MREG: variants seen among roughly 807,000 people sequenced by gnomAD.
MREG encodes melanoregulin, also known as dilute suppressor protein homolog.
Under a neutral mutation model 28.5 loss-of-function variants are expected in MREG, and 31 were observed. The ratio of observed to expected loss-of-function variants is 1.09; its 90% CI spans 0.82 to 1.47. The LOEUF is 1.47. Among genes scored for constraint, MREG ranks in the 40% most tolerant of loss-of-function variants. The probability of loss-of-function intolerance (pLI) is 0.00; values close to 1 mark genes in which losing one functional copy is unlikely to be tolerated. For missense variants in MREG, 256 were observed against 257.4 expected, an observed-to-expected ratio of 0.99 and a Z score of 0.04; for synonymous variants, 106 against 95.2, an observed-to-expected ratio of 1.11 and a Z score of -0.66.
At chr2:216,001,678 G>A (rs1694016501) in intron 1 of MREG, among the ~76,000 whole-genome samples, 1 of 152,188 alleles carries the variant, frequency 6.6e-6, no homozygotes, top group African/African-American at 2.4e-5. Flanking sequence ...CAGGGGCTGT[G>A]AGCTCATTCA....
At chr2:215,970,383 C>T (rs1693056525) in intron 2 of MREG, among the ~76,000 whole-genome samples, 1 of 152,136 alleles carries the variant, frequency 6.6e-6, no homozygotes, top group Admixed American at 6.5e-5. Flanking sequence ...TTTAAGCCAC[C>T]CAGTTTATGG....
At chr2:215,983,965 A>T (rs990974449) in intron 2 of MREG, among the ~76,000 whole-genome samples, 26 of 152,218 alleles carry the variant, frequency 1.7e-4, no homozygotes, top group African/African-American at 5.8e-4. Flanking sequence ...TATGAGAATG[A>T]TCTGATAGTT....
intron 1 of MREG, among the ~76,000 whole-genome samples, chr2:216,007,529 G>A (rs1163718361): frequency 2.0e-5 from 3 of 151,810 alleles, no homozygotes; most frequent in South Asian, 2.1e-4. Flanking sequence ...TCCCAGATTC[G>A]AGTGATTCTC....
At chr2:216,000,151 C>G (rs1693978990) in intron 1 of MREG, among the ~76,000 whole-genome samples, 1 of 152,260 alleles carries the variant, frequency 6.6e-6, no homozygotes. Flanking sequence ...TCACGTTACA[C>G]AAGCATCTAA....
At chr2:216,026,725 C>T (rs1022938437) in intron 1 of MREG, among the ~76,000 whole-genome samples, 1 of 152,112 alleles carries the variant, frequency 6.6e-6, no homozygotes, top group Non-Finnish European at 1.5e-5. Flanking sequence ...AAAACATACA[C>T]ACACACACAC....
intron 2 of MREG, among the ~76,000 whole-genome samples, chr2:215,984,765 A>G (rs1171121280): frequency 6.6e-6 from 1 of 152,194 alleles, no homozygotes; most frequent in African/African-American, 2.4e-5. Context: ...ATAACTTGGG[A>G]AAAATGTGTG....
chr2:215,998,977 G>A (rs534512909), intron 1 of MREG, among the ~76,000 whole-genome samples: 64 of 152,324 alleles, frequency 4.2e-4, no homozygotes, highest in Admixed American at 4.0e-3. Flanking sequence ...TATGTATGAT[G>A]AGAAGGAAGT....
intron 2 of MREG, among the ~76,000 whole-genome samples, chr2:215,964,538 A>G (rs1218164675): frequency 6.6e-6 from 1 of 152,156 alleles, no homozygotes; most frequent in Non-Finnish European, 1.5e-5. Context: ...AGCAAAAGAC[A>G]TTGAGATAAT....
At chr2:215,968,203 G>A (rs1459509543) in intron 2 of MREG, among the ~76,000 whole-genome samples, 1 of 152,196 alleles carries the variant, frequency 6.6e-6, no homozygotes, top group Non-Finnish European at 1.5e-5. Flanking sequence ...TCAGAAGACA[G>A]TAGTAGAGTT....
chr2:216,024,547 ATTG>A (rs1030275394), intron 1 of MREG, among the ~76,000 whole-genome samples: 21 of 152,168 alleles, frequency 1.4e-4, no homozygotes, highest in African/African-American at 5.1e-4. Flanking sequence ...AACCTGTCCA[ATTG>A]TTGTTAAACA....
intron 2 of MREG, among the ~76,000 whole-genome samples, chr2:215,981,867 C>G (rs1171459178): frequency 6.6e-6 from 1 of 152,156 alleles, no homozygotes; most frequent in Non-Finnish European, 1.5e-5. Context: ...AGGTATGCTT[C>G]TTATCCTCAA....
At chr2:215,968,175 A>G (rs1468972721) in intron 2 of MREG, among the ~76,000 whole-genome samples, 7 of 152,182 alleles carry the variant, frequency 4.6e-5, no homozygotes, top group Non-Finnish European at 1.0e-4. Flanking sequence ...AAGGTCACAC[A>G]GCAAATTCAC....
At chr2:215,959,328 C>A (rs1442348298) in intron 2 of MREG, among the ~76,000 whole-genome samples, 1 of 97,056 alleles carries the variant, frequency 1.0e-5, no homozygotes, top group African/African-American at 4.2e-5. Context: ...TGGATGAGCC[C>A]AATCAGACTC....
At chr2:215,969,811 G>A (rs1404429051) in intron 2 of MREG, among the ~76,000 whole-genome samples, 1 of 152,050 alleles carries the variant, frequency 6.6e-6, no homozygotes, top group East Asian at 1.9e-4. Context: ...TCATGGAGGG[G>A]TGGGGGGCAG....
intron 1 of MREG, among the ~76,000 whole-genome samples, chr2:216,023,714 C>CTGG (rs1389701110): frequency 4.6e-5 from 7 of 152,282 alleles, no homozygotes; most frequent in Admixed American, 3.3e-4. Flanking sequence ...GTTGCCCAGG[C>CTGG]TGGAGTGCAG....
At chr2:216,028,983 C>G (rs945964799) in intron 1 of MREG, among the ~76,000 whole-genome samples, 1 of 151,956 alleles carries the variant, frequency 6.6e-6, no homozygotes, top group African/African-American at 2.4e-5. Context: ...TGGTTTTCCC[C>G]CCATTGGAAT....
intron 1 of MREG, among the ~76,000 whole-genome samples, chr2:216,010,135 A>G (rs1694259077): frequency 6.6e-6 from 1 of 152,126 alleles, no homozygotes; most frequent in South Asian, 2.1e-4. Flanking sequence ...TCATAAGAGA[A>G]AAGAAAGGGA....
At chr2:216,006,169 A>T (rs1427022385) in intron 1 of MREG, among the ~76,000 whole-genome samples, 1 of 152,256 alleles carries the variant, frequency 6.6e-6, no homozygotes, top group Admixed American at 6.5e-5. Context: ...GGAGAAAGAA[A>T]TTTCATCTTC....
upstream of MREG, among the ~76,000 whole-genome samples, chr2:216,015,164 C>T (rs955605384): frequency 2.0e-5 from 3 of 151,640 alleles, no homozygotes; most frequent in Non-Finnish European, 4.4e-5. Flanking sequence ...CGTGTGCGCG[C>T]GCGCGTGCGT....
Sources: gnomAD v4.1 joint callset for allele counts (sites outside exome capture counted in the v4.1 genomes callset) on GRCh38, gnomAD v4.1.1 for gene constraint, MANE v1.5 for transcripts, NCBI Gene and HGNC (gene_info 2026-07-23, HGNC 2026-07-21) for gene names.